HERC2: variants seen among roughly 807,000 people sequenced by gnomAD.
HERC2 encodes E3 ubiquitin-protein ligase HERC2.
In HERC2, 102 loss-of-function variants were observed where a neutral mutation model predicts 537.7. The ratio of observed to expected loss-of-function variants is 0.19; its 90% CI spans 0.16 to 0.22. The LOEUF (loss-of-function observed/expected upper bound fraction) is 0.22. Ranked by LOEUF, HERC2 falls within the 10% of genes least tolerant of loss-of-function variation. The pLI, the probability that HERC2 is intolerant of heterozygous loss-of-function variation, is 1.00. For synonymous variants in HERC2, 2,224 were observed against 2,466.2 expected, an observed-to-expected ratio of 0.90 and a Z score of 2.91; for missense variants, 4,236 against 6,198.2, an observed-to-expected ratio of 0.68 and a Z score of 10.63.
At chr15:28,254,651 GC>G (rs2075196961) in intron 19 of HERC2, 133 bp from the exon 20 acceptor site, 4 of 568,046 alleles carry the variant, frequency 7.0e-6, no homozygotes, top group Admixed American at 3.9e-5. Flanking sequence ...CTACCCACAG[GC>G]CCCCATCTGC....
intron 47 of HERC2, 136 bp downstream of exon 47, chr15:28,201,977 T>C (rs532166190): frequency 1.0e-5 from 10 of 1,003,276 alleles, no homozygotes; most frequent in South Asian, 2.9e-5. Flanking sequence ...GGCAATACCA[T>C]AGGTTGGTTT....
chr15:28,181,828 C>G (rs1173473679), intron 57 of HERC2, among the ~76,000 whole-genome samples: 1 of 152,238 alleles, frequency 6.6e-6, no homozygotes, highest in Non-Finnish European at 1.5e-5. Context: ...GGCTATGGCA[C>G]GGCTTCCCGT....
intron 50 of HERC2, among the ~76,000 whole-genome samples, chr15:28,196,778 T>C (rs1897384385): frequency 6.6e-6 from 1 of 152,168 alleles, no homozygotes; most frequent in Non-Finnish European, 1.5e-5. Flanking sequence ...GAAGGGAGCA[T>C]GAATAATTTT....
intron 74 of HERC2, among the ~76,000 whole-genome samples, chr15:28,143,439 A>G (rs1216870612): frequency 1.3e-5 from 2 of 152,000 alleles, no homozygotes; most frequent in South Asian, 2.1e-4. Context: ...AGGCCTCCTT[A>G]TTTTTATTCA....
intron 81 of HERC2, among the ~76,000 whole-genome samples, chr15:28,131,211 A>C (rs1890074501): frequency 6.6e-6 from 1 of 152,104 alleles, no homozygotes; most frequent in African/African-American, 2.4e-5. Flanking sequence ...GTCTGGCCCT[A>C]CCACAATGGC....
Position 28,247,532 on chromosome 15 carries a change from G to A in HERC2, c.3236-635C>T, listed in dbSNP as rs978132882. On this transcript the variant is annotated intron_variant, in intron 21 of 92. Transcript: ENST00000261609. ...CAACCTCCGCCTCCTGGGTTCAAGC[G>A]ATTCTCCTGCCTCAGCCTCCGGAGT... Among the ~76,000 whole-genome samples the A allele has an allele frequency of 2.7e-5, 4 of 147,668 alleles. 1 individual carries two copies. Among genetic ancestry groups the A allele is most frequent in the African/African-American group, 7.5e-5 (3 of 39,926 alleles).
intron 57 of HERC2, 37 bp downstream of exon 57, chr15:28,182,364 T>G: frequency 7.5e-7 from 1 of 1,341,728 alleles, no homozygotes; most frequent in Non-Finnish European, 1.1e-6. Context: ...TGCTGCCGAG[T>G]GCCCCACCCT....
At chr15:28,115,407 GC>G (rs761597321) in intron 89 of HERC2, 21 bp downstream of exon 89, 2 of 1,572,600 alleles carry the variant, frequency 1.3e-6, no homozygotes, top group South Asian at 2.2e-5. Flanking sequence ...TAGAGGCCCC[GC>G]CTGCCGCCCC....
chr15:28,112,591 C>A (rs530053591), intron 92 of HERC2, among the ~76,000 whole-genome samples: 1 of 152,214 alleles, frequency 6.6e-6, no homozygotes, highest in Non-Finnish European at 1.5e-5. Flanking sequence ...ACTGCTGTTA[C>A]GGTCCCAACA....
intron 83 of HERC2, among the ~76,000 whole-genome samples, chr15:28,126,404 G>A (rs771036470): frequency 2.6e-5 from 4 of 152,096 alleles, no homozygotes; most frequent in Non-Finnish European, 5.9e-5. Flanking sequence ...AAGAAAAGAC[G>A]TCATTATTTG....
chr15:28,192,029 C>A lies in HERC2; in HGVS notation c.8383G>T (p.Val2795Leu), dbSNP rs755344253. 1 of 1,614,030 alleles carries A rather than the reference C, an allele frequency of 6.2e-7. No individual in the cohort carries two copies. The highest frequency in any genetic ancestry group is 8.5e-7 in the Non-Finnish European group (1 of 1,180,038). ...TCAATGAGACGGGATGCCTGGTTCA[C>A]GGAGGACGACACATTCAGGCTCTTC... Reference protein sequence around the residue: ...MVKSLNVSSSVNQASRLIDGS... With the variant: ...MVKSLNVSSSLNQASRLIDGS... Residue 2795 changes from valine (V) to leucine (L), a missense_variant, in exon 53 of 93, where the codon GTG (valine) becomes TTG (leucine). Val to Leu is a conservative substitution (Grantham distance 32). Transcript: ENST00000261609.
In HERC2 at chr15:28,143,891, A is replaced by G. The variant is rs1244862346; in HGVS notation, c.11400T>C (p.Asp3800=). 6.2e-7 allele frequency: 1 copy of G among 1,614,020 alleles called. No individual in the cohort carries two copies. The highest frequency in any genetic ancestry group is 1.3e-5 in the African/African-American group (1 of 74,918). ...TCCATACCAAAGCTCTTGTTTCCCCATCATTTTCTCCAAGCAGCCTATTTA... is the reference window on the plus strand; with the variant it reads ...TCCATACCAAAGCTCTTGTTTCCCCGTCATTTTCTCCAAGCAGCCTATTTA... ...ININRLLGEN[D]GETRALSFTG... Residue 3800 remains aspartate (D), a synonymous_variant, in exon 74 of 93, where the codon GAT becomes GAC. Transcript: ENST00000261609.
intron 4 of HERC2, among the ~76,000 whole-genome samples, chr15:28,288,558 C>G (rs1379958521): frequency 6.7e-6 from 1 of 148,992 alleles, no homozygotes; most frequent in Non-Finnish European, 1.5e-5. Flanking sequence ...AAAAAGAGGC[C>G]AGGTGTGGTG....
chr15:28,227,339 C>T (rs8030709), intron 35 of HERC2, among the ~76,000 whole-genome samples: 33,707 of 151,664 alleles, frequency 0.22, 7,438 homozygotes, highest in African/African-American at 0.56. Flanking sequence ...AAAGAAGATA[C>T]ACAAATGGCC....
At chr15:28,228,102 T>A in intron 35 of HERC2, 116 bp downstream of exon 35, 1 of 895,838 alleles carries the variant, frequency 1.1e-6, no homozygotes. Context: ...TTCCTATTTG[T>A]GTCTTACCAT....
chr15:28,178,762 C>T, intron 59 of HERC2, 125 bp downstream of exon 59: 4 of 1,063,518 alleles, frequency 3.8e-6, no homozygotes, highest in Non-Finnish European at 5.3e-6. Flanking sequence ...TTTACATTAT[C>T]CAATTTTTAT....
chr15:28,264,743 G>A (rs1159978891), intron 14 of HERC2, among the ~76,000 whole-genome samples: 4 of 152,108 alleles, frequency 2.6e-5, no homozygotes, highest in South Asian at 2.1e-4. Context: ...ACTTTTAACC[G>A]GGAAATATTT....
Position 28,186,670 on chromosome 15 carries a change from C to T in HERC2, c.8732G>A (p.Gly2911Glu). ...ATCTTCCTCTTCTGCACGGATCCGTCCCAGCAGGATGAGACCATGGATTTT... is the reference window on the plus strand; with the variant it reads ...ATCTTCCTCTTCTGCACGGATCCGTTCCAGCAGGATGAGACCATGGATTTT... ...DCKIHGLILL[G>E]RIRAEEEDLA... The change falls in exon 56 of 93, where the codon GGA becomes GAA. Residue 2911 changes from glycine (G) to glutamate (E), a missense_variant. By Grantham distance (98) the Gly-to-Glu change is moderately conservative. Coordinates refer to ENST00000261609, the MANE Select transcript of HERC2 (RefSeq NM_004667.6). The T allele has an allele frequency of 6.2e-7, 1 of 1,614,116 alleles. No homozygotes were observed. Among genetic ancestry groups the T allele is most frequent in the Non-Finnish European group, 8.5e-7 (1 of 1,179,986 alleles).
intron 44 of HERC2, among the ~76,000 whole-genome samples, chr15:28,208,925 C>T (rs368850610): frequency 1.3e-5 from 2 of 152,200 alleles, no homozygotes; most frequent in East Asian, 1.9e-4. Context: ...GCAATGATCA[C>T]AGAAAAGGAC....
Sources: gnomAD v4.1 joint callset for allele counts (sites outside exome capture counted in the v4.1 genomes callset) on GRCh38, gnomAD v4.1.1 for gene constraint, MANE v1.5 for transcripts, NCBI Gene and HGNC (gene_info 2026-07-23, HGNC 2026-07-21) for gene names.